Variants in CYP39A1 observed in about 807,000 individuals in gnomAD.
The protein encoded by CYP39A1 is 24-hydroxycholesterol 7-alpha-hydroxylase.
Under a neutral mutation model 58.1 loss-of-function variants are expected in CYP39A1, and 49 were observed. The ratio of observed to expected loss-of-function variants is 0.84; its 90% CI spans 0.67 to 1.07. CYP39A1 has a LOEUF of 1.07. Among genes scored for constraint, CYP39A1 ranks in the 50% least tolerant of loss-of-function variants. The pLI is 0.00. For synonymous variants in CYP39A1, 209 were observed against 187.6 expected (o/e 1.11, Z -0.93); for missense variants, 531 against 539.4 (o/e 0.98, Z 0.16).
chr6:46,602,994 T>G (rs1158103506), intron 7 of CYP39A1, among the ~76,000 whole-genome samples: 1 of 151,884 alleles, frequency 6.6e-6, no homozygotes, highest in African/African-American at 2.4e-5. Flanking sequence ...TATGATTGAA[T>G]TTTTAACTGG....
At chr6:46,568,758 T>C (rs939516658) in intron 10 of CYP39A1, among the ~76,000 whole-genome samples, 63 of 152,114 alleles carry the variant, frequency 4.1e-4, no homozygotes, top group Admixed American at 1.2e-3. Context: ...ATGTCTATCT[T>C]TATGTCAACA....
chr6:46,604,294 C>T (rs1215504396), intron 7 of CYP39A1, among the ~76,000 whole-genome samples: 1 of 152,170 alleles, frequency 6.6e-6, no homozygotes, highest in Non-Finnish European at 1.5e-5. Context: ...CTCCCCAATA[C>T]AATCACCTTT....
intron 1 of CYP39A1, among the ~76,000 whole-genome samples, chr6:46,651,224 A>G (rs1020686740): frequency 1.3e-5 from 2 of 152,260 alleles, no homozygotes; most frequent in African/African-American, 4.8e-5. Flanking sequence ...CACACAATCA[A>G]TACATGCACA....
chr6:46,617,294 G>T (rs1415218671), intron 7 of CYP39A1, among the ~76,000 whole-genome samples: 1 of 152,008 alleles, frequency 6.6e-6, no homozygotes. Context: ...AACTATATTA[G>T]AATTAAATCA....
chr6:46,597,045 T>C (rs1773211360), intron 7 of CYP39A1, among the ~76,000 whole-genome samples: 1 of 152,114 alleles, frequency 6.6e-6, no homozygotes, highest in Non-Finnish European at 1.5e-5. Context: ...TGTCTCTCTT[T>C]GACTCTGGAT....
chr6:46,603,340 C>T (rs1263281692), intron 7 of CYP39A1, among the ~76,000 whole-genome samples: 2 of 152,232 alleles, frequency 1.3e-5, no homozygotes, highest in Admixed American at 1.3e-4. Context: ...GGTAGCTACT[C>T]TATGTTTACT....
At chr6:46,611,307 G>A (rs928556979) in intron 7 of CYP39A1, among the ~76,000 whole-genome samples, 41 of 152,314 alleles carry the variant, frequency 2.7e-4, no homozygotes, top group African/African-American at 9.4e-4. Flanking sequence ...GTTTCAGTTT[G>A]ACATTCATAA....
At chr6:46,598,097 C>T (rs1027079103) in intron 7 of CYP39A1, among the ~76,000 whole-genome samples, 2 of 152,016 alleles carry the variant, frequency 1.3e-5, no homozygotes, top group African/African-American at 2.4e-5. Flanking sequence ...AGATGTCAAA[C>T]GTATGAAGGA....
chr6:46,627,697 C>T (rs1008163921), intron 6 of CYP39A1, among the ~76,000 whole-genome samples: 27 of 151,940 alleles, frequency 1.8e-4, no homozygotes, highest in Admixed American at 6.6e-5. Context: ...GTATTACAGG[C>T]GTGAGCCACT....
At chr6:46,551,300 C>G (rs1480675803) in intron 11 of CYP39A1, among the ~76,000 whole-genome samples, 1 of 146,636 alleles carries the variant, frequency 6.8e-6, no homozygotes, top group East Asian at 2.1e-4. Context: ...GAAGTATGCA[C>G]TTTTCTACAA....
chr6:46,597,967 A>G (rs895204268), intron 7 of CYP39A1, among the ~76,000 whole-genome samples: 43 of 152,186 alleles, frequency 2.8e-4, no homozygotes, highest in Admixed American at 1.1e-3. Context: ...GGCATTGCCC[A>G]ACAAAACTGT....
intron 10 of CYP39A1, among the ~76,000 whole-genome samples, chr6:46,571,807 T>C (rs796148771): frequency 2.3e-4 from 35 of 152,112 alleles, no homozygotes; most frequent in African/African-American, 7.5e-4. Context: ...AGTTCTTTTG[T>C]TCCTCTCTTG....
chr6:46,572,447 G>A (rs989289051), intron 10 of CYP39A1, among the ~76,000 whole-genome samples: 3 of 152,036 alleles, frequency 2.0e-5, no homozygotes, highest in East Asian at 1.9e-4. Flanking sequence ...TATATCATTG[G>A]TTTTCAGAAT....
rs558755470 is a variant in CYP39A1 at position 46,597,920 on chromosome 6, T to C, written c.932-1800A>G. On this transcript the variant is annotated intron_variant, in intron 7 of 11. Transcript: ENST00000275016. ...TGAGCAATCTAATATTAAAAGGAGA[T>C]AAGCACTTTTATGGGATTTTTGTTG... Among the ~76,000 whole-genome samples the C allele has an allele frequency of 7.2e-5, 11 of 152,278 alleles. No individual in the cohort carries two copies. In the South Asian group the frequency reaches 2.1e-3, roughly 29 times the overall value.
intron 7 of CYP39A1, among the ~76,000 whole-genome samples, chr6:46,607,500 T>G (rs563308931): frequency 6.6e-6 from 1 of 150,592 alleles, no homozygotes; most frequent in South Asian, 2.1e-4. Flanking sequence ...CATGCATACA[T>G]GCAGACATAG....
In CYP39A1 at chr6:46,631,010, T is replaced by C. The variant is rs1582440160; in HGVS notation, c.793A>G (p.Asn265Asp). The C allele has an allele frequency of 1.9e-6, 3 of 1,614,052 alleles. No individual in the cohort carries two copies. The highest frequency in any genetic ancestry group is 2.5e-6 in the Non-Finnish European group (3 of 1,180,016). ...GCCCAAAGCAGTAAGAGCCCATAAT[T>C]GGGTGAGTTTTCCTTACTTGTTTCC... ...ETETSKENSP[N>D]YGLLLLWASL... Residue 265 changes from asparagine (N) to aspartate (D), a missense_variant, in exon 6 of 12, where the codon AAT (asparagine) becomes GAT (aspartate). Transcript: ENST00000275016.
intron 7 of CYP39A1, among the ~76,000 whole-genome samples, chr6:46,602,811 T>C (rs865929692): frequency 5.3e-5 from 8 of 151,568 alleles, no homozygotes; most frequent in African/African-American, 1.9e-4. Context: ...ATTTTTAAAT[T>C]ATCTTTTCTA....
At chr6:46,633,704 A>T (rs561646766) in intron 5 of CYP39A1, among the ~76,000 whole-genome samples, 1 of 152,272 alleles carries the variant, frequency 6.6e-6, no homozygotes, top group Middle Eastern at 3.4e-3. Context: ...TAAAAATATA[A>T]AAAATAGCCG....
At chr6:46,586,425 G>A (rs934912460) in intron 10 of CYP39A1, 5 of 973,578 alleles carry the variant, frequency 5.1e-6, no homozygotes, top group Non-Finnish European at 4.9e-6. Flanking sequence ...GGACCATGTT[G>A]GTCTTCCTCA....
Sources: gnomAD v4.1 joint callset for allele counts (sites outside exome capture counted in the v4.1 genomes callset) on GRCh38, gnomAD v4.1.1 for gene constraint, MANE v1.5 for transcripts, NCBI Gene and HGNC (gene_info 2026-07-23, HGNC 2026-07-21) for gene names.